The following LRRC15 variants were observed in gnomAD, a reference collection of about 807,000 sequenced individuals.
LRRC15 encodes leucine rich repeat containing 15.
Under a neutral mutation model 4.3 loss-of-function variants are expected in LRRC15, and 5 were observed. That is an observed-to-expected ratio of 1.16 (90% CI 0.61 to 2.44). The LOEUF (loss-of-function observed/expected upper bound fraction) is 2.44. Among genes scored for constraint, LRRC15 ranks in the 30% most tolerant of loss-of-function variants. LRRC15 has a pLI of 0.01. For missense variants in LRRC15, 769 were observed against 747.0 expected (o/e 1.03, Z -0.34); for synonymous variants, 337 against 323.2 (o/e 1.04, Z -0.46).
Position 194,357,156 on chromosome 3 carries a change from C to T in LRRC15, c.*2142G>A, listed in dbSNP as rs1713451913. The T allele has an allele frequency of 6.6e-6, 1 of 152,280 alleles. No individual in the cohort carries two copies. Among genetic ancestry groups the T allele is most frequent in the South Asian group, 2.1e-4 (1 of 4,834 alleles). 9.4% of individuals were successfully genotyped at this position (152,280 alleles called of 1,614,324 possible). The stretch of plus-strand genomic sequence containing the variant: ...GTGTTTGCAAACAGCCCTCTGGACA[C>T]TTTTTGTGCAGGAACTGGAAGGGAA... On this transcript the variant is annotated 3_prime_UTR_variant, in exon 2 of 2. Coordinates refer to ENST00000347624, the MANE Select transcript of LRRC15 (RefSeq NM_130830.5).
chr3:194,359,855 G>A lies in LRRC15; in HGVS notation c.1189C>T (p.Gln397Ter), dbSNP rs1576998301. 1 of 1,614,100 alleles carries A rather than the reference G, an allele frequency of 6.2e-7. No individual in the cohort carries two copies. The part of the protein sequence containing the change: ...NVNGLMAIQL[Q>*]NNQLENLPLG... Reference sequence around the variant, plus strand: ...GGCAAGTTCTCCAGCTGGTTGTTCTGCAGCTGGATGGCCATGAGGCCATTG... The same window carrying A: ...GGCAAGTTCTCCAGCTGGTTGTTCTACAGCTGGATGGCCATGAGGCCATTG... Residue 397 changes from glutamine to a stop codon, truncating the protein, a stop_gained, in exon 2 of 2, where the codon CAG becomes TAG. Coordinates refer to ENST00000347624, the MANE Select transcript of LRRC15 (RefSeq NM_130830.5). LOFTEE classifies it low-confidence loss of function (END_TRUNC).
Position 194,359,886 on chromosome 3 carries a change from G to A in LRRC15, c.1158C>T (p.Ala386=). 6.2e-7 allele frequency: 1 copy of A among 1,614,148 alleles called. No homozygotes were observed. ...GGATGGCCATGAGGCCATTGACGTT[G>A]GCGAAGATATTCCCTGGGAGCTGTC... ...RLRQLPGNIF[A]NVNGLMAIQL... is the part of the protein sequence containing the mutation. The change falls in exon 2 of 2, where the codon GCC becomes GCT. Residue 386 remains alanine (A), a synonymous_variant. Coordinates refer to ENST00000347624, the MANE Select transcript of LRRC15 (RefSeq NM_130830.5).
rs1244230161 is a variant in LRRC15, at chr3:194,357,292, G to A, written c.*2006C>T. The A allele has an allele frequency of 2.6e-5, 4 of 151,742 alleles. No homozygotes were observed. The highest frequency in any genetic ancestry group is 9.7e-5 in the African/African-American group (4 of 41,236). The allele number at this position is 151,742 out of a possible 1,614,324, so 9.4% of individuals were successfully genotyped here. A position where few individuals can be genotyped will look rare whatever the true frequency, so the allele number is the denominator to read the frequency against. On this transcript the variant is annotated 3_prime_UTR_variant, in exon 2 of 2. Transcript: ENST00000347624. ...GGTGGTAGATTTCCAGATCACAGGT[G>A]TCTTGTGGAGCGGGGAGCTAATAAG...
At chr3:194,366,089 C>T (rs1713765098) in intron 1 of LRRC15, among the ~76,000 whole-genome samples, 1 of 152,240 alleles carries the variant, frequency 6.6e-6, no homozygotes, top group Non-Finnish European at 1.5e-5. Flanking sequence ...CCACTGCCCA[C>T]AGCTGGTGCT....
At position 194,359,576 on chromosome 3, in the gene LRRC15, A is replaced by G; in HGVS notation, c.1468T>C (p.Tyr490His). 1 of 1,613,926 alleles carries G rather than the reference A, an allele frequency of 6.2e-7. No individual in the cohort carries two copies. ...TCAGGGTAACTGGGTGTGTCTGGGT[A>G]CCATGGTGTTTCTGGGTAACTAGGC... ...EVPSYPETPW[Y>H]PDTPSYPDTT... Residue 490 changes from tyrosine to histidine, a missense_variant, in exon 2 of 2, where the codon TAC becomes CAC. Transcript: ENST00000347624.
intron 1 of LRRC15, among the ~76,000 whole-genome samples, chr3:194,364,194 G>T (rs1041138942): frequency 1.3e-5 from 2 of 152,158 alleles, no homozygotes; most frequent in African/African-American, 4.8e-5. Context: ...TAAGACCTTA[G>T]GATTCTAAGG....
chr3:194,364,034 A>T (rs1434041577), intron 1 of LRRC15, among the ~76,000 whole-genome samples: 1 of 152,130 alleles, frequency 6.6e-6, no homozygotes. Flanking sequence ...TCACACTGAA[A>T]ATGGGCAACC....
rs139188943 is a variant in LRRC15, at chr3:194,360,772, C to T, written c.272G>A (p.Arg91His). The T allele has an allele frequency of 3.7e-6, 6 of 1,614,196 alleles. No individual in the cohort carries two copies. Among genetic ancestry groups the T allele is most frequent in the Non-Finnish European group, 4.2e-6 (5 of 1,180,038 alleles). The change falls in exon 2 of 2, where the codon CGC (arginine) becomes CAC (histidine). Residue 91 changes from arginine to histidine, a missense_variant. Transcript: ENST00000347624. ...GTTTCGGAAGGCCCCAGGCGTGATG[C>T]GCGACAGCTCATTCTTCTCAATCCT... Reference protein sequence around the residue: ...ALRIEKNELSRITPGAFRNLG... With the variant: ...ALRIEKNELSHITPGAFRNLG...
chr3:194,363,430 CTT>C (rs1458005550), intron 1 of LRRC15: 1 of 681,688 alleles, frequency 1.5e-6, no homozygotes, highest in African/African-American at 1.8e-5. Flanking sequence ...AAAGTAAAAA[CTT>C]ATATAGACAA....
At position 194,360,924 on chromosome 3, in the gene LRRC15, G is replaced by A. The variant is rs150516020; in HGVS notation, c.120C>T (p.Thr40=). ...TGGGCACTGCCACAATGCGTGCCCC[G>A]GTGCACTCCACCTGGGAGGCCCTGG... The part of the protein sequence containing the change: ...TCSRASQVEC[T]GARIVAVPTP... Residue 40 remains threonine, a synonymous_variant, in exon 2 of 2, where the codon ACC becomes ACT. Coordinates refer to ENST00000347624, the MANE Select transcript of LRRC15 (RefSeq NM_130830.5). 1.4e-4 allele frequency: 224 copies of A among 1,598,570 alleles called. No homozygotes were observed. The highest frequency in any genetic ancestry group is 1.7e-4 in the Non-Finnish European group (198 of 1,173,336).
intron 1 of LRRC15, among the ~76,000 whole-genome samples, chr3:194,366,938 G>A (rs111820699): frequency 3.3e-5 from 5 of 152,252 alleles, no homozygotes; most frequent in East Asian, 1.9e-4. Context: ...CCTCATCACC[G>A]GGATTTGGGA....
intron 1 of LRRC15, among the ~76,000 whole-genome samples, chr3:194,365,991 T>C (rs1410408877): frequency 6.6e-6 from 1 of 152,176 alleles, no homozygotes; most frequent in African/African-American, 2.4e-5. Context: ...GGCTGCCCAG[T>C]CATGGCCTTG....
In LRRC15 at chr3:194,359,973, G is replaced by T; in HGVS notation, c.1071C>A (p.Asp357Glu). The change falls in exon 2 of 2, where the codon GAC (aspartate) becomes GAA (glutamate). Residue 357 changes from aspartate to glutamate, a missense_variant. Transcript: ENST00000347624. ...TGGCCAACATGCGGAAGACGTTCCC[G>T]TCCAGGTCCTGCAGTGCGTTGGTGT... ...SLHTNALQDLDGNVFRMLANL... is the reference protein window; with the variant it reads ...SLHTNALQDLEGNVFRMLANL... 1 of 1,614,206 alleles carries T rather than the reference G, an allele frequency of 6.2e-7. No individual in the cohort carries two copies. Among genetic ancestry groups the T allele is most frequent in the Non-Finnish European group, 8.5e-7 (1 of 1,180,022 alleles).
intron 1 of LRRC15, among the ~76,000 whole-genome samples, chr3:194,368,031 C>T (rs1441468452): frequency 6.6e-6 from 1 of 152,166 alleles, no homozygotes; most frequent in Non-Finnish European, 1.5e-5. Context: ...ATGACAGCAG[C>T]CACGGGCTAC....
chr3:194,359,922 G>T lies in LRRC15; in HGVS notation c.1122C>A (p.Asn374Lys). 2 of 1,614,150 alleles carry T rather than the reference G, an allele frequency of 1.2e-6. 1 individual carries two copies. Among genetic ancestry groups the T allele is most frequent in the South Asian group, 2.2e-5 (2 of 91,080 alleles). ...TCCCTGGGAGCTGTCTGAGGCGGTT[G>T]TTCTGCAGGGAGATGTTCTGCAGGT... ...LANLQNISLQ[N>K]NRLRQLPGNI... Residue 374 changes from asparagine to lysine, a missense_variant, in exon 2 of 2, where the codon AAC becomes AAA. By Grantham distance (94) the Asn-to-Lys change is moderately conservative. Coordinates refer to ENST00000347624, the MANE Select transcript of LRRC15 (RefSeq NM_130830.5).
chr3:194,359,953 A>G lies in LRRC15; in HGVS notation c.1091T>C (p.Leu364Ser). The change falls in exon 2 of 2, where the codon TTG (leucine) becomes TCG (serine). Residue 364 changes from leucine (L) to serine (S), a missense_variant. By Grantham distance (145) the Leu-to-Ser change is moderately radical. Transcript: ENST00000347624. ...QDLDGNVFRM[L>S]ANLQNISLQN... ...CAGGGAGATGTTCTGCAGGTTGGCC[A>G]ACATGCGGAAGACGTTCCCGTCCAG... 6.2e-7 allele frequency: 1 copy of G among 1,614,214 alleles called. No homozygotes were observed.
In LRRC15 at chr3:194,359,941, TG is replaced by T; in HGVS notation, c.1102del (p.Gln368ArgfsTer78). On this transcript the variant is annotated frameshift_variant, in exon 2 of 2. Coordinates refer to ENST00000347624, the MANE Select transcript of LRRC15 (RefSeq NM_130830.5). LOFTEE classifies it low-confidence loss of function (END_TRUNC). ...GNVFRMLANL[Q>X]NISLQNNRLR... ...GCGGTTGTTCTGCAGGGAGATGTTCTGCAGGTTGGCCAACATGCGGAAGACG... is the reference window on the plus strand; with the variant it reads ...GCGGTTGTTCTGCAGGGAGATGTTCTCAGGTTGGCCAACATGCGGAAGACG... The T allele has an allele frequency of 6.2e-7, 1 of 1,614,216 alleles. No homozygotes were observed. Among genetic ancestry groups the T allele is most frequent in the African/African-American group, 1.3e-5 (1 of 75,050 alleles).
Position 194,359,239 on chromosome 3 carries a change from G to T in LRRC15, c.*59C>A, listed in dbSNP as rs1713522504. ...ATGGACCCAGGGGTGGAGGCAGAAA[G>T]ATGAAATTCCCAGGTCCTCCAGTCC... On this transcript the variant is annotated 3_prime_UTR_variant, in exon 2 of 2. Coordinates refer to ENST00000347624, the MANE Select transcript of LRRC15 (RefSeq NM_130830.5). 1.4e-6 allele frequency: 2 copies of T among 1,468,180 alleles called. No individual in the cohort carries two copies. The highest frequency in any genetic ancestry group is 1.4e-5 in the African/African-American group (1 of 70,852). 90.9% of individuals were successfully genotyped at this position (1,468,180 alleles called of 1,614,324 possible).
In LRRC15 at chr3:194,358,020, G is replaced by A. The variant is rs1458322343; in HGVS notation, c.*1278C>T. On this transcript the variant is annotated 3_prime_UTR_variant, in exon 2 of 2. Transcript: ENST00000347624. ...GGATGCTTCTGACCTGGCCAGCCAT[G>A]GTGCCCCAGGTCTCAGGGTCTCTCA... 1 of 152,308 alleles carries A rather than the reference G, an allele frequency of 6.6e-6. No homozygotes were observed. The highest frequency in any genetic ancestry group is 2.4e-5 in the African/African-American group (1 of 41,448). 9.4% of individuals were successfully genotyped at this position (152,308 alleles called of 1,614,324 possible).
Sources: gnomAD v4.1 joint callset for allele counts (sites outside exome capture counted in the v4.1 genomes callset) on GRCh38, gnomAD v4.1.1 for gene constraint, MANE v1.5 for transcripts, NCBI Gene and HGNC (gene_info 2026-07-23, HGNC 2026-07-21) for gene names.